The following RUBCN variants were observed in gnomAD, a reference collection of about 807,000 sequenced individuals.
RUBCN encodes the protein rubicon autophagy regulator.
In RUBCN, 74 loss-of-function variants were observed where a neutral mutation model predicts 113.2. The observed-to-expected ratio is 0.65, with a 90% confidence interval of 0.54 to 0.79. The LOEUF is 0.79. RUBCN is among the 30% of genes least tolerant of loss of function. The pLI is 0.00. For synonymous variants in RUBCN, 480 were observed against 490.0 expected, an observed-to-expected ratio of 0.98 and a Z score of 0.27; for missense variants, 1,109 against 1,251.7, an observed-to-expected ratio of 0.89 and a Z score of 1.72.
intron 7 of RUBCN, chr3:197,699,272 A>G (rs1254867330): frequency 7.2e-7 from 1 of 1,397,164 alleles, no homozygotes; most frequent in Middle Eastern, 1.8e-4. Context: ...GTCCAGATAG[A>G]GCAATGAGAA....
chr3:197,712,472 C>T (rs1725062595), intron 2 of RUBCN, among the ~76,000 whole-genome samples: 1 of 152,190 alleles, frequency 6.6e-6, no homozygotes, highest in South Asian at 2.1e-4. Context: ...TCGGTGATGA[C>T]GCAGCAGCCT....
intron 7 of RUBCN, among the ~76,000 whole-genome samples, chr3:197,698,334 C>T (rs1012024170): frequency 3.9e-5 from 6 of 152,224 alleles, no homozygotes; most frequent in East Asian, 3.8e-4. Flanking sequence ...CAGGAGGCCA[C>T]GGCTTTCAGC....
rs1722919729 is a variant in RUBCN at position 197,695,658 on chromosome 3, A to C, written c.1473+208T>G. ...GCTTCTCTGCCCAGGTTGGCTTCTAAGATAAAATCGCTAATAATTTGGACT... is the reference window on the plus strand; with the variant it reads ...GCTTCTCTGCCCAGGTTGGCTTCTACGATAAAATCGCTAATAATTTGGACT... On this transcript the variant is annotated intron_variant, in intron 9 of 19. Coordinates refer to ENST00000296343, the MANE Select transcript of RUBCN (RefSeq NM_014687.4). 2.6e-5 allele frequency among the ~76,000 whole-genome samples: 4 copies of C among 152,330 alleles called. No homozygotes were observed. In the South Asian group the frequency reaches 8.3e-4, roughly 32 times the overall value.
At chr3:197,738,538 T>A (rs1436243502), upstream of RUBCN, among the ~76,000 whole-genome samples, 2 of 152,200 alleles carry the variant, frequency 1.3e-5, no homozygotes, top group Non-Finnish European at 2.9e-5. Context: ...CGATTATACT[T>A]CTTTAAGAAA....
At chr3:197,736,633 T>A in intron 1 of RUBCN, 22 bp downstream of exon 1, 1 of 1,531,964 alleles carries the variant, frequency 6.5e-7, no homozygotes, top group Admixed American at 2.0e-5. Context: ...CTGCCCCGAC[T>A]CCGCGGCGGC....
intron 11 of RUBCN, 149 bp downstream of exon 11, chr3:197,693,566 G>A (rs1230571290): frequency 3.0e-6 from 2 of 657,750 alleles, no homozygotes; most frequent in East Asian, 5.9e-5. Flanking sequence ...CTGTGAAGGG[G>A]TTTTGTTTTT....
intron 11 of RUBCN, among the ~76,000 whole-genome samples, chr3:197,692,288 G>C (rs1722508898): frequency 6.6e-6 from 1 of 152,008 alleles, no homozygotes; most frequent in Non-Finnish European, 1.5e-5. Flanking sequence ...AGACACCACG[G>C]GGGCAGGACG....
intron 11 of RUBCN, 137 bp downstream of exon 11, chr3:197,693,578 G>T: frequency 1.4e-6 from 1 of 691,622 alleles, no homozygotes; most frequent in Non-Finnish European, 2.6e-6. Flanking sequence ...TTTGTTTTTA[G>T]CAGAAGGCTG....
rs1307699669 is a variant in RUBCN, at chr3:197,745,349, C to T, written c.-116+3920G>A. ...AGGCAAATCAAGCCAGGTGCAGTGG[C>T]TCACACCTGTAATCCCAGCACTTTG... On this transcript the variant is annotated intron_variant, in intron 1 of 20. Transcript: ENST00000273582. 3.4e-5 allele frequency among the ~76,000 whole-genome samples: 5 copies of T among 148,844 alleles called. No homozygotes were observed. In the East Asian group the frequency reaches 6.0e-4, roughly 18 times the overall value.
At chr3:197,682,398 G>C (rs536396361) in intron 14 of RUBCN, 72 bp downstream of exon 14, 2 of 1,574,008 alleles carry the variant, frequency 1.3e-6, no homozygotes, top group East Asian at 2.3e-5. Context: ...GGACAAGTGG[G>C]TGAGACGAAA....
In RUBCN at chr3:197,673,823, T is replaced by A. The variant is rs1720033213; in HGVS notation, c.*1195A>T. The A allele has an allele frequency of 6.6e-6, 1 of 152,264 alleles. No homozygotes were observed. The highest frequency in any genetic ancestry group is 1.5e-5 in the Non-Finnish European group (1 of 68,090). 9.4% of individuals were successfully genotyped at this position (152,264 alleles called of 1,614,324 possible). On this transcript the variant is annotated 3_prime_UTR_variant, in exon 20 of 20. Coordinates refer to ENST00000296343, the MANE Select transcript of RUBCN (RefSeq NM_014687.4). Reference sequence around the variant, plus strand: ...CACAGAGTTAAGTGCATAATTGGCATAAAGGCTCTTGTTATCCCAAGAACA... The same window carrying A: ...CACAGAGTTAAGTGCATAATTGGCAAAAAGGCTCTTGTTATCCCAAGAACA...
At chr3:197,702,401 A>G (rs1723777043) in intron 5 of RUBCN, among the ~76,000 whole-genome samples, 2 of 152,184 alleles carry the variant, frequency 1.3e-5, no homozygotes, top group South Asian at 2.1e-4. Context: ...AGTGCCTCAC[A>G]CCTGTAATCC....
chr3:197,742,200 T>A (rs558864155), intron 1 of RUBCN, among the ~76,000 whole-genome samples: 6 of 152,202 alleles, frequency 3.9e-5, no homozygotes, highest in Admixed American at 2.6e-4. Flanking sequence ...ATTTTAAAAA[T>A]CTTATTTCTA....
intron 1 of RUBCN, among the ~76,000 whole-genome samples, chr3:197,742,641 T>C (rs560054021): frequency 5.8e-4 from 88 of 152,258 alleles, no homozygotes; most frequent in Non-Finnish European, 1.2e-3. Flanking sequence ...AGAGCTTGAG[T>C]GGCTGCTATG....
Position 197,681,867 on chromosome 3 carries a change from C to A in RUBCN, c.2159G>T (p.Arg720Leu), listed in dbSNP as rs370294532. ...AGTCCGGATGCCACATCCTGCACAGCGGTAATTCTGCTTGGCCACGGCAAT... is the reference window on the plus strand; with the variant it reads ...AGTCCGGATGCCACATCCTGCACAGAGGTAATTCTGCTTGGCCACGGCAAT... Reference protein sequence around the residue: ...RKIAVAKQNYRCAGCGIRTDP... With the variant: ...RKIAVAKQNYLCAGCGIRTDP... Residue 720 changes from arginine to leucine, a missense_variant, in exon 15 of 20, where the codon CGC becomes CTC. Arg to Leu is a moderately radical substitution (Grantham distance 102, BLOSUM62 -2). Transcript: ENST00000296343. The surrounding 1 kb of genome is among the most constrained non-coding windows in gnomAD (Gnocchi z 5.5). 5.6e-6 allele frequency: 9 copies of A among 1,613,818 alleles called. No homozygotes were observed. The highest frequency in any genetic ancestry group is 2.2e-5 in the South Asian group (2 of 91,084).
intron 1 of RUBCN, among the ~76,000 whole-genome samples, chr3:197,721,220 C>T (rs768822922): frequency 1.3e-5 from 2 of 152,120 alleles, no homozygotes; most frequent in Non-Finnish European, 1.5e-5. Context: ...TGGTAGAATT[C>T]GGCAGTGACA....
intron 2 of RUBCN, among the ~76,000 whole-genome samples, chr3:197,714,713 C>A (rs6775958): frequency 0.11 from 17,191 of 152,060 alleles, 1,199 homozygotes; most frequent in African/African-American, 0.18. Context: ...GATAAAAAAG[C>A]AAGATGAGCT....
chr3:197,688,761 G>A (rs181450665), intron 11 of RUBCN, among the ~76,000 whole-genome samples: 1 of 152,346 alleles, frequency 6.6e-6, no homozygotes, highest in Admixed American at 6.5e-5. Context: ...ATCAGCAGAA[G>A]TAGATGACGT....
Position 197,674,872 on chromosome 3 carries a change from C to G in RUBCN, c.*146G>C, listed in dbSNP as rs919351160. ...CGGCTGACTGCACACAGACGTCAGA[C>G]AAGTCAGTAAAAAAAAAAAAAAAGA... On this transcript the variant is annotated 3_prime_UTR_variant, in exon 20 of 20. Coordinates refer to ENST00000296343, the MANE Select transcript of RUBCN (RefSeq NM_014687.4). 22 of 598,586 alleles carry G rather than the reference C, an allele frequency of 3.7e-5. No individual in the cohort carries two copies. The highest frequency in any genetic ancestry group is 5.3e-5 in the Non-Finnish European group (21 of 399,250). 37.1% of individuals were successfully genotyped at this position (598,586 alleles called of 1,614,324 possible). A position where few individuals can be genotyped will look rare whatever the true frequency, so the allele number is the denominator to read the frequency against.
Sources: allele counts gnomAD v4.1 joint callset (sites outside exome capture counted in the v4.1 genomes callset), GRCh38; gene constraint gnomAD v4.1.1; non-coding constraint Gnocchi (gnomAD v3.1); transcripts MANE v1.5; gene names NCBI Gene and HGNC (gene_info 2026-07-23, HGNC 2026-07-21).